Variants in RMDN1 observed in about 807,000 individuals in gnomAD.
RMDN1 encodes the protein regulator of microtubule dynamics 1.
RMDN1 carries 48 observed loss-of-function variants against 48.9 expected under a neutral mutation model. The ratio of observed to expected loss-of-function variants is 0.98; its 90% CI spans 0.78 to 1.25. RMDN1 has a LOEUF of 1.25. Among genes scored for constraint, RMDN1 ranks in the 50% most tolerant of loss-of-function variants. The probability of loss-of-function intolerance (pLI) is 0.00; values close to 1 mark genes in which losing one functional copy is unlikely to be tolerated. For missense variants in RMDN1, 418 were observed against 373.4 expected (o/e 1.12, Z -0.98); for synonymous variants, 148 against 132.6 (o/e 1.12, Z -0.80).
intron 2 of RMDN1, among the ~76,000 whole-genome samples, chr8:86,495,689 C>A (rs1817224331): frequency 1.3e-5 from 2 of 152,140 alleles, no homozygotes; most frequent in Admixed American, 1.3e-4. Flanking sequence ...CCCCCACCTT[C>A]CCAAGGGAGG....
upstream of RMDN1, among the ~76,000 whole-genome samples, chr8:86,510,933 G>T (rs140775788): frequency 1.5e-3 from 222 of 152,218 alleles, no homozygotes; most frequent in African/African-American, 5.1e-3. Context: ...AGACCAGCCT[G>T]GGCAACACAG....
At chr8:86,479,110 ATGT>A in intron 6 of RMDN1, 100 bp from the exon 7 acceptor site, 1 of 824,342 alleles carries the variant, frequency 1.2e-6, no homozygotes, top group Non-Finnish European at 2.0e-6. Flanking sequence ...CTTCTACTGT[ATGT>A]TTAAACAACT....
intron 5 of RMDN1, chr8:86,482,186 G>C (rs2130730159): frequency 4.8e-6 from 2 of 420,990 alleles, no homozygotes; most frequent in South Asian, 6.2e-5. Flanking sequence ...CAGATCACTT[G>C]AGGTCAGGAG....
intron 6 of RMDN1, 54 bp from the exon 7 acceptor site, chr8:86,479,064 AAAGTT>A: frequency 1.6e-6 from 2 of 1,285,946 alleles, no homozygotes; most frequent in South Asian, 1.2e-5. Flanking sequence ...CTTTTCTCTT[AAAGTT>A]AACTAAGCAT....
At chr8:86,499,052 C>T (rs72690424) in intron 2 of RMDN1, among the ~76,000 whole-genome samples, 8,268 of 152,152 alleles carry the variant, frequency 0.054, 318 homozygotes, top group Non-Finnish European at 0.086. Flanking sequence ...ACAAACTAAG[C>T]ACTGAAGGAA....
intron 6 of RMDN1, among the ~76,000 whole-genome samples, chr8:86,479,275 G>A (rs567379379): frequency 1.3e-5 from 2 of 152,238 alleles, no homozygotes; most frequent in East Asian, 3.9e-4. Flanking sequence ...ATTGTGCCAG[G>A]TAGTGGGTTG....
chr8:86,503,381 A>C (rs1022051023), intron 2 of RMDN1, among the ~76,000 whole-genome samples: 17 of 69,344 alleles, frequency 2.5e-4, no homozygotes, highest in Non-Finnish European at 4.1e-4. Context: ...CAAAAAAAAA[A>C]AAAAAAAACA....
Position 86,486,556 on chromosome 8 carries a change from T to C in RMDN1, c.423A>G (p.Leu141=), listed in dbSNP as rs776112560. Residue 141 remains leucine, a synonymous_variant, in exon 4 of 10, where the codon CTA becomes CTG. Coordinates refer to ENST00000406452, the MANE Select transcript of RMDN1 (RefSeq NM_016033.3). The stretch of plus-strand genomic sequence containing the variant: ...CATACTCTAGGGCTTCATACACCAA[T>C]AGCTTTTTCTCCTCTTCTGAGGTTC... The part of the protein sequence containing the change: ...LSRTSEEEKK[L]LVYEALEYAK... 3 of 1,612,700 alleles carry C rather than the reference T, an allele frequency of 1.9e-6. No individual in the cohort carries two copies. The highest frequency in any genetic ancestry group is 1.1e-5 in the South Asian group (1 of 90,900).
chr8:86,496,911 T>TAA (rs200669579), intron 2 of RMDN1, among the ~76,000 whole-genome samples: 1 of 143,126 alleles, frequency 7.0e-6, no homozygotes, highest in Non-Finnish European at 1.5e-5. Context: ...CTGAACAAAA[T>TAA]AAAAAAAAAA....
At chr8:86,481,911 G>A in intron 5 of RMDN1, 2 of 781,998 alleles carry the variant, frequency 2.6e-6, no homozygotes, top group South Asian at 1.8e-5. Context: ...GGGTGGCTCG[G>A]CCAGACACGA....
At chr8:86,500,764 TCA>T (rs1818077264) in intron 2 of RMDN1, among the ~76,000 whole-genome samples, 1 of 152,294 alleles carries the variant, frequency 6.6e-6, no homozygotes, top group African/African-American at 2.4e-5. Flanking sequence ...ACTGCACTGT[TCA>T]CATTAGCAAA....
At chr8:86,484,742 AC>A in intron 5 of RMDN1, 129 bp downstream of exon 5, 1 of 486,844 alleles carries the variant, frequency 2.1e-6, no homozygotes, top group Non-Finnish European at 3.6e-6. Context: ...AAAAGAAATA[AC>A]AAACTGTCAT....
intron 2 of RMDN1, among the ~76,000 whole-genome samples, chr8:86,503,371 CAAAAAAAAAAAAAAAAAACAAAA>C (rs1563656256): frequency 4.1e-4 from 28 of 68,000 alleles, no homozygotes; most frequent in Non-Finnish European, 5.1e-4. Context: ...CAAAACAAAA[CAAAAAAAAAAAAAAAAAACAAAA>C]AAAAATAACA....
chr8:86,498,836 T>C (rs1042238979), intron 2 of RMDN1, among the ~76,000 whole-genome samples: 6 of 147,702 alleles, frequency 4.1e-5, no homozygotes, highest in African/African-American at 1.5e-4. Flanking sequence ...ATTTGCAAAC[T>C]GAATCCAGCA....
Position 86,508,570 on chromosome 8 carries a change from G to A in RMDN1, c.51C>T (p.Ala17=), listed in dbSNP as rs1343229388. The A allele has an allele frequency of 2.3e-5, 37 of 1,602,342 alleles. No individual in the cohort carries two copies. Among genetic ancestry groups the A allele is most frequent in the Non-Finnish European group, 3.0e-5 (35 of 1,176,172 alleles). ...LWRLLPFRRG[A]APGSRLPAGT... Reference sequence around the variant, plus strand: ...CCGCAGGGAGACGAGACCCCGGGGCGGCTCCACGTCGGAAAGGCAGAAGGC... The same window carrying A: ...CCGCAGGGAGACGAGACCCCGGGGCAGCTCCACGTCGGAAAGGCAGAAGGC... The change falls in exon 1 of 10, where the codon GCC becomes GCT. Residue 17 remains alanine (A), a synonymous_variant. Transcript: ENST00000406452.
chr8:86,479,989 A>G (rs1382277101), intron 6 of RMDN1, among the ~76,000 whole-genome samples: 6 of 152,140 alleles, frequency 3.9e-5, no homozygotes, highest in African/African-American at 1.4e-4. Flanking sequence ...CTGTTTTACT[A>G]TAGTTACATT....
intron 2 of RMDN1, 77 bp downstream of exon 2, chr8:86,506,914 ATTCT>A (rs1375756526): frequency 5.4e-6 from 4 of 738,638 alleles, no homozygotes; most frequent in Admixed American, 2.2e-5. Flanking sequence ...CATTACCCTG[ATTCT>A]TTGTTTTAAA....
intron 2 of RMDN1, among the ~76,000 whole-genome samples, chr8:86,494,312 T>C (rs367758546): frequency 1.3e-5 from 2 of 152,106 alleles, no homozygotes; most frequent in African/African-American, 4.8e-5. Context: ...TCCCAGCATT[T>C]TGGGAGGCCG....
At chr8:86,482,516 C>T (rs1031365243) in intron 5 of RMDN1, 4 of 689,104 alleles carry the variant, frequency 5.8e-6, no homozygotes, top group African/African-American at 3.5e-5. Context: ...TTCTGTCACA[C>T]ATAATCATAG....
Sources: allele counts gnomAD v4.1 joint callset (sites outside exome capture counted in the v4.1 genomes callset), GRCh38; gene constraint gnomAD v4.1.1; transcripts MANE v1.5; gene names NCBI Gene and HGNC (gene_info 2026-07-23, HGNC 2026-07-21).